The following ELMOD3 variants were observed in gnomAD, a reference collection of about 807,000 sequenced individuals.
The protein encoded by ELMOD3 is ELMO domain-containing protein 3.
ELMOD3 carries 36 observed loss-of-function variants against 47.4 expected under a neutral mutation model. That is an observed-to-expected ratio of 0.76 (90% CI 0.58 to 1.00). The LOEUF (loss-of-function observed/expected upper bound fraction) is 1.00, where lower values mean the gene tolerates loss of function less well. Ranked by LOEUF, ELMOD3 falls within the 50% of genes least tolerant of loss-of-function variation. The probability of loss-of-function intolerance (pLI) is 0.00; values close to 1 mark genes in which losing one functional copy is unlikely to be tolerated. For synonymous variants in ELMOD3, 149 were observed against 183.5 expected, an observed-to-expected ratio of 0.81 and a Z score of 1.52; for missense variants, 404 against 463.8, an observed-to-expected ratio of 0.87 and a Z score of 1.18.
chr2:85,363,048 G>T, intron 5 of ELMOD3, 49 bp from the exon 6 acceptor site: 1 of 1,155,024 alleles, frequency 8.7e-7, no homozygotes, highest in South Asian at 1.3e-5. Flanking sequence ...TTGTGTATAT[G>T]GGGGTATGTG....
chr2:85,391,548 C>T lies in ELMOD3; in HGVS notation c.*586C>T, dbSNP rs1399446445. ...TGGCCATTCACTTACCCACTCTCTT[C>T]TCCCCCTGACCCCCGCTCCATTGTT... On this transcript the variant is annotated 3_prime_UTR_variant, in exon 14 of 14. Transcript: ENST00000409013. 6.5e-6 allele frequency: 1 copy of T among 153,718 alleles called. No individual in the cohort carries two copies. The highest frequency in any genetic ancestry group is 1.4e-5 in the Non-Finnish European group (1 of 68,980). 9.5% of individuals were successfully genotyped at this position (153,718 alleles called of 1,614,324 possible).
At chr2:85,367,041 G>A (rs759181670) in intron 6 of ELMOD3, among the ~76,000 whole-genome samples, 4 of 152,226 alleles carry the variant, frequency 2.6e-5, no homozygotes, top group African/African-American at 4.8e-5. Flanking sequence ...GGTGGCTCTA[G>A]AAAGCCCATC....
At chr2:85,362,625 A>G (rs1048132003) in intron 5 of ELMOD3, among the ~76,000 whole-genome samples, 1 of 152,160 alleles carries the variant, frequency 6.6e-6, no homozygotes, top group African/African-American at 2.4e-5. Context: ...ACCTCAATTT[A>G]AAATGGACTT....
rs141195079 is a variant in ELMOD3 at position 85,390,148 on chromosome 2, C to T, written c.826C>T (p.Arg276Trp). Residue 276 changes from arginine to tryptophan, a missense_variant, in exon 13 of 14, where the codon CGG becomes TGG. Coordinates refer to ENST00000409013, the MANE Select transcript of ELMOD3 (RefSeq NM_001135022.2). ...REECLSRECN[R>W]QQKVIPVVNS... ...GCCTTTTTCCTGCAGAGAGTGTAAT[C>T]GGCAGCAGAAGGTCATCCCCGTGGT... 3.2e-5 allele frequency: 51 copies of T among 1,613,876 alleles called. No homozygotes were observed. The highest frequency in any genetic ancestry group is 4.2e-5 in the Non-Finnish European group (49 of 1,179,860).
rs1244295327 is a variant in ELMOD3 at position 85,357,248 on chromosome 2, G to A, written c.50G>A (p.Gly17Glu). ...SFHSKEELRD[G>E]QGERLSAGYS... The stretch of plus-strand genomic sequence containing the variant: ...CATAGTAAAGAAGAATTAAGAGATG[G>A]ACAGGTAAGCATGCACTCTTATTTG... The change falls in exon 4 of 14, where the codon GGA becomes GAA. Residue 17 changes from glycine to glutamate, a missense_variant. Transcript: ENST00000409013. 3 of 1,598,228 alleles carry A rather than the reference G, an allele frequency of 1.9e-6. No individual in the cohort carries two copies. In the South Asian group the frequency reaches 3.3e-5, roughly 18 times the overall value.
At chr2:85,390,736 G>C (rs1023714042) in intron 13 of ELMOD3, 24 bp from the exon 14 acceptor site, 1 of 1,549,008 alleles carries the variant, frequency 6.5e-7, no homozygotes, top group African/African-American at 1.4e-5. Context: ...CAAGCCTTCT[G>C]CTCCCCAATT....
chr2:85,361,991 T>C (rs968295525), intron 4 of ELMOD3, among the ~76,000 whole-genome samples, 195 bp from the exon 5 acceptor site: 2 of 151,256 alleles, frequency 1.3e-5, no homozygotes, highest in Non-Finnish European at 2.9e-5. Flanking sequence ...AAATAACTAG[T>C]GGGTACTAGG....
chr2:85,390,327 C>T (rs1402504406), intron 13 of ELMOD3, 62 bp downstream of exon 13: 1 of 1,614,112 alleles, frequency 6.2e-7, no homozygotes, highest in Non-Finnish European at 8.5e-7. Flanking sequence ...CCAGAGAGCC[C>T]AAGGTGGTTG....
chr2:85,369,959 G>A, intron 8 of ELMOD3, 129 bp downstream of exon 8: 2 of 1,200,210 alleles, frequency 1.7e-6, no homozygotes, highest in Non-Finnish European at 2.3e-6. Context: ...AGGATCATGG[G>A]TGGCCTAGGA....
At chr2:85,387,978 C>T (rs938311783) in intron 11 of ELMOD3, among the ~76,000 whole-genome samples, 4 of 152,072 alleles carry the variant, frequency 2.6e-5, no homozygotes, top group African/African-American at 4.8e-5. Flanking sequence ...TTGTGCAATA[C>T]GTATAAAATG....
Position 85,377,415 on chromosome 2 carries a change from G to A in ELMOD3, c.679G>A (p.Asp227Asn). 1.9e-6 allele frequency: 3 copies of A among 1,611,430 alleles called. No homozygotes were observed. Among genetic ancestry groups the A allele is most frequent in the Non-Finnish European group, 2.5e-6 (3 of 1,178,782 alleles). The part of the protein sequence containing the change: ...ALLHLLYLVM[D>N]SKTLPMAQEI... ...CCTGCATCTGCTCTACCTGGTGATG[G>A]ACTCAAAGACCTTGCCGATGGCGCA... Residue 227 changes from aspartate to asparagine, a missense_variant, in exon 11 of 14, where the codon GAC becomes AAC. Asp to Asn is a conservative substitution (Grantham distance 23, BLOSUM62 1). Coordinates refer to ENST00000409013, the MANE Select transcript of ELMOD3 (RefSeq NM_001135022.2).
intron 8 of ELMOD3, among the ~76,000 whole-genome samples, chr2:85,370,060 T>C (rs1425445220): frequency 6.6e-6 from 1 of 152,120 alleles, no homozygotes; most frequent in East Asian, 1.9e-4. Flanking sequence ...GTATAGCTGT[T>C]TATCTACTCT....
intron 11 of ELMOD3, among the ~76,000 whole-genome samples, chr2:85,380,187 C>G (rs1685446872): frequency 6.6e-6 from 1 of 152,158 alleles, no homozygotes; most frequent in African/African-American, 2.4e-5. Context: ...AGAATACTCA[C>G]AAATAGTTTC....
At chr2:85,390,395 C>G (rs1262440328) in intron 13 of ELMOD3, 130 bp downstream of exon 13, 1 of 1,614,188 alleles carries the variant, frequency 6.2e-7, no homozygotes, top group East Asian at 2.2e-5. Context: ...TTCCAGCTTA[C>G]CAAAATCTCC....
At chr2:85,371,029 A>G in intron 8 of ELMOD3, 57 bp from the exon 9 acceptor site, 1 of 1,581,496 alleles carries the variant, frequency 6.3e-7, no homozygotes, top group Non-Finnish European at 8.6e-7. Flanking sequence ...CCTGATGGGA[A>G]GTTGATTAAG....
At chr2:85,360,250 G>C (rs182594071) in intron 4 of ELMOD3, among the ~76,000 whole-genome samples, 1,538 of 105,364 alleles carry the variant, frequency 0.015, 41 homozygotes, top group African/African-American at 0.053. Context: ...TGGGCAACAA[G>C]AGCAAAACTC....
At chr2:85,390,560 G>T in intron 13 of ELMOD3, 200 bp from the exon 14 acceptor site, 1 of 1,560,016 alleles carries the variant, frequency 6.4e-7, no homozygotes, top group Non-Finnish European at 8.7e-7. Flanking sequence ...GTGCAGACAA[G>T]GTAGAGTGTG....
At chr2:85,359,405 CTTT>C (rs765640567) in intron 4 of ELMOD3, among the ~76,000 whole-genome samples, 2 of 106,996 alleles carry the variant, frequency 1.9e-5, no homozygotes. Context: ...TTACATGACT[CTTT>C]TTTTTTTTTT....
intron 4 of ELMOD3, among the ~76,000 whole-genome samples, chr2:85,358,015 C>T (rs1453705054): frequency 6.6e-6 from 1 of 152,196 alleles, no homozygotes; most frequent in Admixed American, 6.5e-5. Flanking sequence ...GGCAGTGGCT[C>T]ACGCCTGTAA....
Sources: allele counts gnomAD v4.1 joint callset (sites outside exome capture counted in the v4.1 genomes callset), GRCh38; gene constraint gnomAD v4.1.1; transcripts MANE v1.5; gene names NCBI Gene and HGNC (gene_info 2026-07-23, HGNC 2026-07-21).